The following CBR4 variants were observed in gnomAD, a reference collection of about 807,000 sequenced individuals.
CBR4 encodes the protein carbonyl reductase 4.
A neutral mutation model predicts 21.0 loss-of-function variants in CBR4; 22 were observed. The ratio of observed to expected loss-of-function variants is 1.05; its 90% CI spans 0.75 to 1.50. The LOEUF (loss-of-function observed/expected upper bound fraction) is 1.50. CBR4 is among the 40% of genes most tolerant of loss of function. The pLI is 0.00. For missense variants in CBR4, 302 were observed against 286.3 expected, an observed-to-expected ratio of 1.05 and a Z score of -0.40; for synonymous variants, 100 against 104.4, an observed-to-expected ratio of 0.96 and a Z score of 0.26.
In CBR4 at chr4:168,987,680, G is replaced by A; in HGVS notation, c.*2470C>T. 1.0e-6 allele frequency: 1 copy of A among 979,820 alleles called. No individual in the cohort carries two copies. Among genetic ancestry groups the A allele is most frequent in the Non-Finnish European group, 1.2e-6 (1 of 824,858 alleles). 60.7% of individuals were successfully genotyped at this position (979,820 alleles called of 1,614,324 possible). ...TTCTCAATTTACACATATTCCTTTTGAAAATCTTAGAAAAAATGTTTCACC... is the reference window on the plus strand; with the variant it reads ...TTCTCAATTTACACATATTCCTTTTAAAAATCTTAGAAAAAATGTTTCACC... On this transcript the variant is annotated 3_prime_UTR_variant, in exon 5 of 5. Transcript: ENST00000306193.
At chr4:168,964,572 C>G (rs1177378621) in intron 2 of CBR4, among the ~76,000 whole-genome samples, 1 of 152,148 alleles carries the variant, frequency 6.6e-6, no homozygotes, top group Non-Finnish European at 1.5e-5. Context: ...AACAACCACA[C>G]AGAAGTCACT....
Position 168,925,229 on chromosome 4 carries a change from G to A in CBR4, n.170-30464C>T, listed in dbSNP as rs112116419. Reference sequence around the variant, plus strand: ...TATTGCTCTCTCTCTCTTTCTATTTGTAGTTTCTCGACATTAATAGTGAAC... The same window carrying A: ...TATTGCTCTCTCTCTCTTTCTATTTATAGTTTCTCGACATTAATAGTGAAC... On this transcript the variant is annotated intron_variant and non_coding_transcript_variant, in intron 2 of 3. Transcript: ENST00000509108. The A allele has an allele frequency of 6.3e-3, 10,145 of 1,605,352 alleles. 138 individuals are homozygous for A. Among genetic ancestry groups the A allele is most frequent in the African/African-American group, 0.045 (3,349 of 74,744 alleles).
In CBR4 at chr4:169,010,010, T is replaced by C; in HGVS notation, c.80A>G (p.Tyr27Cys). 8.7e-6 allele frequency: 14 copies of C among 1,613,762 alleles called. No homozygotes were observed. Among genetic ancestry groups the C allele is most frequent in the Non-Finnish European group, 1.2e-5 (14 of 1,179,928 alleles). The change falls in exon 1 of 5, where the codon TAC (tyrosine) becomes TGC (cysteine). Residue 27 changes from tyrosine (Y) to cysteine (C), a missense_variant. By Grantham distance (194) the Tyr-to-Cys change is radical. Coordinates refer to ENST00000306193, the MANE Select transcript of CBR4 (RefSeq NM_032783.5). ...AVAQLMARKGYRLAVIARNLE... is the reference protein window; with the variant it reads ...AVAQLMARKGCRLAVIARNLE... ...GTTTCTGGCAATGACCGCCAGTCGG[T>C]AGCCTTTCCGGGCCATTAACTGGGC...
At chr4:168,998,744 A>C (rs1481489820) in intron 4 of CBR4, among the ~76,000 whole-genome samples, 1 of 152,190 alleles carries the variant, frequency 6.6e-6, no homozygotes, top group Non-Finnish European at 1.5e-5. Flanking sequence ...ATATGGAATA[A>C]CACAGAAACA....
chr4:168,997,664 A>G (rs1489486554), intron 4 of CBR4, among the ~76,000 whole-genome samples: 1 of 152,236 alleles, frequency 6.6e-6, no homozygotes, highest in Non-Finnish European at 1.5e-5. Flanking sequence ...TATAAACTAT[A>G]AATAGAAACA....
At chr4:168,940,415 G>T (rs1254328586) in intron 2 of CBR4, among the ~76,000 whole-genome samples, 1 of 152,146 alleles carries the variant, frequency 6.6e-6, no homozygotes, top group Non-Finnish European at 1.5e-5. Context: ...AAAAGCAATG[G>T]CAACAAAAGC....
chr4:168,925,166 A>T (rs944266222), intron 2 of CBR4: 4 of 1,582,264 alleles, frequency 2.5e-6, no homozygotes, highest in Non-Finnish European at 2.6e-6. Flanking sequence ...ATTACTCTTT[A>T]TAAACAACTA....
At chr4:169,000,705 G>A (rs1398780296) in intron 4 of CBR4, among the ~76,000 whole-genome samples, 1 of 152,122 alleles carries the variant, frequency 6.6e-6, no homozygotes, top group Non-Finnish European at 1.5e-5. Flanking sequence ...AAACACTTGT[G>A]TTACTCAAAA....
At chr4:168,990,976 C>A (rs1332005048) in intron 4 of CBR4, among the ~76,000 whole-genome samples, 4 of 151,996 alleles carry the variant, frequency 2.6e-5, no homozygotes, top group African/African-American at 4.8e-5. Context: ...ATCGCTTGAA[C>A]CTGGGAGGTG....
Position 168,925,053 on chromosome 4 carries a change from C to T in CBR4, n.170-30288G>A, listed in dbSNP as rs1762303043. 4 of 1,613,958 alleles carry T rather than the reference C, an allele frequency of 2.5e-6. No individual in the cohort carries two copies. In the Admixed American group the frequency reaches 5.0e-5, roughly 20 times the overall value. On this transcript the variant is annotated intron_variant and non_coding_transcript_variant, in intron 2 of 3. Transcript: ENST00000509108. ...CCAAGAATGAAGCAGGGATTGTGTC[C>T]TGTACTGCCAGGCTGGACGTTTACA...
chr4:168,948,603 C>T (rs1252031620), intron 2 of CBR4, among the ~76,000 whole-genome samples: 1 of 152,194 alleles, frequency 6.6e-6, no homozygotes, highest in East Asian at 1.9e-4. Flanking sequence ...ATTATCCCAG[C>T]ACCATTTGTT....
At chr4:168,943,435 G>A (rs192061848) in intron 2 of CBR4, among the ~76,000 whole-genome samples, 178 of 152,320 alleles carry the variant, frequency 1.2e-3, no homozygotes, top group African/African-American at 3.8e-3. Context: ...AAAGCCAAAT[G>A]ACCATACTCA....
At chr4:168,926,841 G>A (rs1378214637) in intron 2 of CBR4, 2 of 221,012 alleles carry the variant, frequency 9.0e-6, no homozygotes, top group Non-Finnish European at 1.8e-5. Context: ...TGAACCAAGT[G>A]CAATATGTAA....
chr4:168,963,385 C>CA (rs1240661449), intron 2 of CBR4, among the ~76,000 whole-genome samples: 1 of 152,054 alleles, frequency 6.6e-6, no homozygotes, highest in African/African-American at 2.4e-5. Flanking sequence ...TAACAGAACA[C>CA]AGATGTCTTA....
intron 2 of CBR4, 115 bp downstream of exon 2, chr4:169,007,520 GT>G (rs1274989793): frequency 1.8e-6 from 1 of 540,954 alleles, no homozygotes; most frequent in Non-Finnish European, 2.9e-6. Flanking sequence ...TTTTAAAATA[GT>G]TTTTTCTCCC....
chr4:168,950,903 G>A (rs1763521194), intron 2 of CBR4, among the ~76,000 whole-genome samples: 1 of 152,078 alleles, frequency 6.6e-6, no homozygotes, highest in Non-Finnish European at 1.5e-5. Context: ...CATAAGAATA[G>A]CTACCCCTGC....
chr4:168,945,395 A>G (rs1044413971), intron 2 of CBR4, among the ~76,000 whole-genome samples: 1 of 152,236 alleles, frequency 6.6e-6, no homozygotes, highest in African/African-American at 2.4e-5. Flanking sequence ...TTCAGGAAAG[A>G]CAGTGGTATT....
chr4:168,921,222 A>G (rs1287458476), intron 2 of CBR4, among the ~76,000 whole-genome samples: 1 of 152,002 alleles, frequency 6.6e-6, no homozygotes, highest in Non-Finnish European at 1.5e-5. Flanking sequence ...CCCGGCCAAC[A>G]TAGTGAAACC....
intron 2 of CBR4, among the ~76,000 whole-genome samples, chr4:168,910,409 T>G (rs1301069556): frequency 6.6e-6 from 1 of 152,084 alleles, no homozygotes. Flanking sequence ...AAGGTTAATC[T>G]GCTTCCCACA....
Sources: gnomAD v4.1 joint callset for allele counts (sites outside exome capture counted in the v4.1 genomes callset) on GRCh38, gnomAD v4.1.1 for gene constraint, MANE v1.5 for transcripts, NCBI Gene and HGNC (gene_info 2026-07-23, HGNC 2026-07-21) for gene names.